KIF17: variants seen among roughly 807,000 people sequenced by gnomAD.
KIF17 encodes kinesin family member 17.
KIF17 carries 80 observed loss-of-function variants against 96.8 expected under a neutral mutation model. The observed-to-expected ratio is 0.83, with a 90% CI of 0.69 to 1.00. The LOEUF (loss-of-function observed/expected upper bound fraction) is 1.00. Ranked by LOEUF, KIF17 falls within the 50% of genes least tolerant of loss-of-function variation. KIF17 has a pLI of 0.00. For synonymous variants in KIF17, 567 were observed against 587.5 expected, an observed-to-expected ratio of 0.97 and a Z score of 0.51; for missense variants, 1,280 against 1,372.9, an observed-to-expected ratio of 0.93 and a Z score of 1.07.
At position 20,682,890 on chromosome 1, in the gene KIF17, G is replaced by A. The variant is rs547112275; in HGVS notation, c.2232-6C>T. ...GCTGCTCCAACAGCTGCAGACTGCC[G>A]GCGTGGAGGAGAAAGCAAACAAGAC... On this transcript the variant is annotated splice_region_variant and splice_polypyrimidine_tract_variant and intron_variant, in intron 10 of 14. Coordinates refer to ENST00000400463, the MANE Select transcript of KIF17 (RefSeq NM_001122819.3). 4.5e-5 allele frequency: 73 copies of A among 1,607,334 alleles called. 1 individual carries two copies. In the South Asian group the frequency reaches 5.2e-4, roughly 11 times the overall value.
Position 20,671,287 on chromosome 1 carries a change from T to TA in KIF17, c.2722+650_2722+651insT, listed in dbSNP as rs554124474. Among the ~76,000 whole-genome samples the TA allele has an allele frequency of 2.1e-3, 315 of 152,340 alleles. 1 individual carries two copies. Among genetic ancestry groups the TA allele is most frequent in the African/African-American group, 7.2e-3 (299 of 41,588 alleles). ...GCGAGCATCACTATGTGCCAGGCAC[T>TA]GCTGTAAGGGTTTTCTGTGTATTAA... On this transcript the variant is annotated intron_variant, in intron 12 of 14. Coordinates refer to ENST00000400463, the MANE Select transcript of KIF17 (RefSeq NM_001122819.3).
At chr1:20,681,695 C>T (rs2053833706) in intron 11 of KIF17, among the ~76,000 whole-genome samples, 1 of 152,154 alleles carries the variant, frequency 6.6e-6, no homozygotes. Context: ...AGGCCTCACT[C>T]CCTTTCTCCA....
Position 20,672,759 on chromosome 1 carries a change from A to G in KIF17, c.2464-563T>C, listed in dbSNP as rs955776167. The stretch of plus-strand genomic sequence containing the variant: ...AGTAAGACCCACCTTGATCTGATCA[A>G]GGGTTCCAGATTCTTTTGGTCTCCT... On this transcript the variant is annotated intron_variant, in intron 11 of 14. Coordinates refer to ENST00000400463, the MANE Select transcript of KIF17 (RefSeq NM_001122819.3). The surrounding 1 kb of genome is among the most constrained non-coding windows in gnomAD (Gnocchi z 4.3). 2.9e-5 allele frequency: 5 copies of G among 174,992 alleles called. No homozygotes were observed. The highest frequency in any genetic ancestry group is 5.0e-5 in the Non-Finnish European group (4 of 79,916). The allele number at this position is 174,992 out of a possible 1,614,324, so 10.8% of individuals were successfully genotyped here.
chr1:20,685,115 G>C lies in KIF17; in HGVS notation c.2020-95C>G. Reference sequence around the variant, plus strand: ...GCTCAATCCCAGACGGGGCCATTCCGCCTGCTGCAGCCCCGACAGATCACC... The same window carrying C: ...GCTCAATCCCAGACGGGGCCATTCCCCCTGCTGCAGCCCCGACAGATCACC... On this transcript the variant is annotated intron_variant, in intron 9 of 14. Coordinates refer to ENST00000400463, the MANE Select transcript of KIF17 (RefSeq NM_001122819.3). The surrounding 1 kb of genome is among the most constrained non-coding windows in gnomAD (Gnocchi z 4.1). 1 of 919,056 alleles carries C rather than the reference G, an allele frequency of 1.1e-6. No individual in the cohort carries two copies. The highest frequency in any genetic ancestry group is 1.8e-6 in the Non-Finnish European group (1 of 570,796). The allele number at this position is 919,056 out of a possible 1,614,324, so 56.9% of individuals were successfully genotyped here.
rs751396648 is a variant in KIF17, at chr1:20,704,649, G to A, written c.921C>T (p.Leu307=). ...CCGCAGGCGACAGGCAGGCCACCAT[G>A]AGCGTCTTGGTGTTGCCGCCCAGTG... The part of the protein sequence containing the change: ...QDSLGGNTKT[L]MVACLSPADN... Residue 307 remains leucine, a synonymous_variant, in exon 5 of 15, where the codon CTC becomes CTT. Transcript: ENST00000400463. The surrounding 1 kb of genome is among the most constrained non-coding windows in gnomAD (Gnocchi z 6.8). 6 of 1,614,154 alleles carry A rather than the reference G, an allele frequency of 3.7e-6. No individual in the cohort carries two copies. The highest frequency in any genetic ancestry group is 1.1e-5 in the South Asian group (1 of 91,086).
downstream of KIF17, among the ~76,000 whole-genome samples, chr1:20,662,815 C>T (rs376201273): frequency 6.6e-6 from 1 of 152,168 alleles, no homozygotes; most frequent in South Asian, 2.1e-4. Context: ...TTGCAGCGCT[C>T]TCCGCCAGGA....
At chr1:20,663,396 A>G (rs990414740), downstream of KIF17, among the ~76,000 whole-genome samples, 1 of 152,192 alleles carries the variant, frequency 6.6e-6, no homozygotes, top group African/African-American at 2.4e-5. Flanking sequence ...GGCCTGCCAT[A>G]GAAATTGATA....
In KIF17 at chr1:20,699,671, C is replaced by T. The variant is rs186572572; in HGVS notation, c.1124-1183G>A. Among the ~76,000 whole-genome samples, 1 of 147,138 alleles carries T rather than the reference C, an allele frequency of 6.8e-6. No individual in the cohort carries two copies. The highest frequency in any genetic ancestry group is 1.5e-5 in the Non-Finnish European group (1 of 68,000). ...CAGGAGGAGCTTGCTAGACAGGAGGCGCTTGCTAGACAGGGGGAGCTTGCT... is the reference window on the plus strand; with the variant it reads ...CAGGAGGAGCTTGCTAGACAGGAGGTGCTTGCTAGACAGGGGGAGCTTGCT... On this transcript the variant is annotated intron_variant, in intron 5 of 14. Coordinates refer to ENST00000400463, the MANE Select transcript of KIF17 (RefSeq NM_001122819.3). This position sits in a 1 kb window ranked among gnomAD's most constrained non-coding sequence, Gnocchi z 4.3.
intron 11 of KIF17, among the ~76,000 whole-genome samples, chr1:20,674,813 G>T (rs1391428586): frequency 6.6e-6 from 1 of 152,034 alleles, no homozygotes; most frequent in Non-Finnish European, 1.5e-5. Context: ...TTATTGACAA[G>T]ACTGTCCTTT....
At position 20,717,802 on chromosome 1, in the gene KIF17, C is replaced by G; in HGVS notation, c.-96G>C. 3 of 1,312,092 alleles carry G rather than the reference C, an allele frequency of 2.3e-6. No homozygotes were observed. Among genetic ancestry groups the G allele is most frequent in the Non-Finnish European group, 2.9e-6 (3 of 1,028,628 alleles). 81.3% of individuals were successfully genotyped at this position (1,312,092 alleles called of 1,614,324 possible). A position where few individuals can be genotyped will look rare whatever the true frequency, so the allele number is the denominator to read the frequency against. On this transcript the variant is annotated 5_prime_UTR_variant, in exon 1 of 15. Coordinates refer to ENST00000400463, the MANE Select transcript of KIF17 (RefSeq NM_001122819.3). Reference sequence around the variant, plus strand: ...CAAGGGGCGGGGCCAGCGCCGGCCACGGGGGGCGGGGCCTTGAGGCAGGGG... The same window carrying G: ...CAAGGGGCGGGGCCAGCGCCGGCCAGGGGGGGCGGGGCCTTGAGGCAGGGG...
At chr1:20,684,536 G>T (rs1240299299) in intron 10 of KIF17, among the ~76,000 whole-genome samples, 1 of 152,174 alleles carries the variant, frequency 6.6e-6, no homozygotes, top group Non-Finnish European at 1.5e-5. Flanking sequence ...TGGGGGCTTG[G>T]CTGGGATGGG....
At chr1:20,663,135 A>G (rs1268832498), downstream of KIF17, among the ~76,000 whole-genome samples, 1 of 152,138 alleles carries the variant, frequency 6.6e-6, no homozygotes, top group Non-Finnish European at 1.5e-5. Context: ...GAGACAGGAG[A>G]ATCGCTTGAA....
chr1:20,693,042 G>A (rs1207242465), intron 6 of KIF17: 1 of 152,206 alleles, frequency 6.6e-6, no homozygotes, highest in Non-Finnish European at 1.5e-5. Flanking sequence ...AAAGTTCTGG[G>A]ATTACAGGCA....
intron 11 of KIF17, among the ~76,000 whole-genome samples, chr1:20,682,332 G>A (rs143382267): frequency 6.6e-6 from 1 of 152,236 alleles, no homozygotes; most frequent in Non-Finnish European, 1.5e-5. Context: ...TTTCCAGCCT[G>A]GGCAATATGG....
Position 20,690,299 on chromosome 1 carries a change from A to G in KIF17, c.1270T>C (p.Tyr424His). Residue 424 changes from tyrosine (Y) to histidine (H), a missense_variant, in exon 7 of 15, where the codon TAT becomes CAT. By Grantham distance (83) the Tyr-to-His change is moderately conservative. Coordinates refer to ENST00000400463, the MANE Select transcript of KIF17 (RefSeq NM_001122819.3). Reference protein sequence around the residue: ...EERLARLKADYKAEQESRARL... With the variant: ...EERLARLKADHKAEQESRARL... ...GCCCGAGACTCCTGCTCGGCCTTAT[A>G]GTCGGCTTTCAGCCGGGCCAGGCGC... The G allele has an allele frequency of 7.5e-7, 1 of 1,331,250 alleles. No homozygotes were observed. Among genetic ancestry groups the G allele is most frequent in the South Asian group, 1.1e-5 (1 of 87,208 alleles). The allele number at this position is 1,331,250 out of a possible 1,614,324, so 82.5% of individuals were successfully genotyped here. A position where few individuals can be genotyped will look rare whatever the true frequency, so the allele number is the denominator to read the frequency against.
At position 20,709,569 on chromosome 1, in the gene KIF17, G is replaced by A. The variant is rs2054399976; in HGVS notation, c.670+70C>T. 12 of 1,563,052 alleles carry A rather than the reference G, an allele frequency of 7.7e-6. 1 individual carries two copies. In the South Asian group the frequency reaches 1.1e-4, roughly 14 times the overall value. On this transcript the variant is annotated intron_variant, in intron 4 of 14. Coordinates refer to ENST00000400463, the MANE Select transcript of KIF17 (RefSeq NM_001122819.3). This position sits in a 1 kb window ranked among gnomAD's most constrained non-coding sequence, Gnocchi z 4.7. ...CCAGGGGCTCCTGCGGCCCCGAGAGGTGGCGTGCCTTGGCTAGTGGGAGTG... is the reference window on the plus strand; with the variant it reads ...CCAGGGGCTCCTGCGGCCCCGAGAGATGGCGTGCCTTGGCTAGTGGGAGTG...
Position 20,698,379 on chromosome 1 carries a change from C to T in KIF17, c.1233G>A (p.Glu411=). Reference sequence around the variant, plus strand: ...ATGTTCCCACCCGCTTGGGTCTCACCTCCCGGATCAGCTGCTTCTCGGCCT... The same window carrying T: ...ATGTTCCCACCCGCTTGGGTCTCACTTCCCGGATCAGCTGCTTCTCGGCCT... ...DVEAEKQLIR[E]EYEERLARLK... The change falls in exon 6 of 15, where the codon GAG becomes GAA. Residue 411 remains glutamate, a splice_region_variant and synonymous_variant. Transcript: ENST00000400463. 1 of 1,612,036 alleles carries T rather than the reference C, an allele frequency of 6.2e-7. No homozygotes were observed. The highest frequency in any genetic ancestry group is 8.5e-7 in the Non-Finnish European group (1 of 1,178,348).
chr1:20,702,743 C>T (rs1159081763), intron 5 of KIF17, among the ~76,000 whole-genome samples: 8 of 152,312 alleles, frequency 5.3e-5, no homozygotes, highest in South Asian at 4.2e-4. Context: ...CTGCCTCCTC[C>T]GGGAAGCTTT....
intron 13 of KIF17, 21 bp from the exon 14 acceptor site, chr1:20,666,352 G>C: frequency 6.4e-7 from 1 of 1,568,400 alleles, no homozygotes; most frequent in Non-Finnish European, 8.8e-7. Context: ...GCAGATGCCC[G>C]TGGTCACGTC....
Sources: gnomAD v4.1 joint callset for allele counts (sites outside exome capture counted in the v4.1 genomes callset) on GRCh38, gnomAD v4.1.1 for gene constraint, Gnocchi (gnomAD v3.1) non-coding constraint, MANE v1.5 for transcripts, NCBI Gene and HGNC (gene_info 2026-07-23, HGNC 2026-07-21) for gene names.